Variants in MARCHF1 observed in about 807,000 individuals in gnomAD.
MARCHF1 encodes membrane associated ring-CH-type finger 1.
In MARCHF1, 40 loss-of-function variants were observed where a neutral mutation model predicts 54.2. The ratio of observed to expected loss-of-function variants is 0.74; its 90% confidence interval spans 0.57 to 0.96. The LOEUF (loss-of-function observed/expected upper bound fraction) is 0.96. Among genes scored for constraint, MARCHF1 ranks in the 40% least tolerant of loss-of-function variants. MARCHF1 has a pLI of 0.00. For synonymous variants in MARCHF1, 236 were observed against 236.3 expected, an observed-to-expected ratio of 1.00 and a Z score of 0.01; for missense variants, 586 against 656.5, an observed-to-expected ratio of 0.89 and a Z score of 1.17.
chr4:164,090,594 A>C lies in MARCHF1; in HGVS notation c.-248+20994T>G, dbSNP rs569314578. ...CAATAAAATATTATAAACATATTAA[A>C]AATGCAAAAATTCATAACAGAAAAA... On this transcript the variant is annotated intron_variant, in intron 2 of 9. Coordinates refer to ENST00000514618, the MANE Select transcript of MARCHF1 (RefSeq NM_001394959.1). Among the ~76,000 whole-genome samples the C allele has an allele frequency of 4.3e-4, 66 of 152,260 alleles. 1 individual carries two copies. The highest frequency in any genetic ancestry group is 1.5e-3 in the African/African-American group (61 of 41,572).
At chr4:164,072,034 CA>C (rs1033671514) in intron 2 of MARCHF1, among the ~76,000 whole-genome samples, 257 of 138,498 alleles carry the variant, frequency 1.9e-3, no homozygotes, top group Middle Eastern at 3.7e-3. Context: ...ACATAGAAAC[CA>C]AAAAAAAAAA....
chr4:164,258,019 T>C (rs1307145649), intron 1 of MARCHF1, among the ~76,000 whole-genome samples: 1 of 152,124 alleles, frequency 6.6e-6, no homozygotes, highest in Non-Finnish European at 1.5e-5. Context: ...CCATCAATGA[T>C]AGACTGGATA....
At chr4:164,344,489 T>TG (rs200211561) in intron 1 of MARCHF1, among the ~76,000 whole-genome samples, 3 of 151,784 alleles carry the variant, frequency 2.0e-5, no homozygotes, top group African/African-American at 4.9e-5. Context: ...TGTGTGTGTG[T>TG]TTTGGTCAGC....
At chr4:163,918,239 A>G (rs561222913) in intron 3 of MARCHF1, among the ~76,000 whole-genome samples, 1 of 152,156 alleles carries the variant, frequency 6.6e-6, no homozygotes, top group South Asian at 2.1e-4. Flanking sequence ...TGTATCATGG[A>G]CCATTTTTAA....
intron 7 of MARCHF1, among the ~76,000 whole-genome samples, chr4:163,608,870 T>C (rs1262530185): frequency 1.3e-5 from 2 of 152,040 alleles, no homozygotes; most frequent in Non-Finnish European, 2.9e-5. Flanking sequence ...GGGGTCATTG[T>C]TTTGCCTACA....
At chr4:164,324,385 A>G (rs2110774638) in intron 1 of MARCHF1, among the ~76,000 whole-genome samples, 1 of 151,962 alleles carries the variant, frequency 6.6e-6, no homozygotes, top group African/African-American at 2.4e-5. Context: ...GAAACACACT[A>G]TTATTGAACA....
chr4:164,188,758 C>G (rs1350348676), intron 1 of MARCHF1: 15 of 957,826 alleles, frequency 1.6e-5, no homozygotes, highest in Admixed American at 6.8e-5. Flanking sequence ...CTAAACCATA[C>G]GTTCAAGTTG....
intron 7 of MARCHF1, among the ~76,000 whole-genome samples, chr4:163,610,866 C>T (rs1344897569): frequency 6.6e-6 from 1 of 152,066 alleles, no homozygotes; most frequent in Non-Finnish European, 1.5e-5. Flanking sequence ...CAATGGCAAG[C>T]TTTACGTTCC....
chr4:164,011,325 A>G (rs1753415474), intron 2 of MARCHF1, among the ~76,000 whole-genome samples: 1 of 152,186 alleles, frequency 6.6e-6, no homozygotes, highest in South Asian at 2.1e-4. Flanking sequence ...AACAAACTGA[A>G]GAGACAACCC....
intron 1 of MARCHF1, among the ~76,000 whole-genome samples, chr4:164,352,825 TAA>T (rs1730396088): frequency 1.0e-5 from 1 of 98,772 alleles, no homozygotes; most frequent in African/African-American, 3.2e-5. Context: ...GCAAGTTGGA[TAA>T]AGAGTCAAGA....
intron 4 of MARCHF1, among the ~76,000 whole-genome samples, chr4:163,748,236 C>G (rs986340156): frequency 6.6e-6 from 1 of 152,152 alleles, no homozygotes. Flanking sequence ...AGATTTGCGT[C>G]CTTTCCCTAT....
intron 2 of MARCHF1, among the ~76,000 whole-genome samples, chr4:164,002,441 G>A (rs1753203929): frequency 6.6e-6 from 1 of 151,730 alleles, no homozygotes; most frequent in African/African-American, 2.4e-5. Context: ...AATTCACTAT[G>A]TAAATGTAAA....
intron 1 of MARCHF1, among the ~76,000 whole-genome samples, chr4:164,141,651 G>A (rs760349914): frequency 9.9e-5 from 15 of 152,218 alleles, no homozygotes; most frequent in Admixed American, 6.5e-4. Context: ...GGGGAAAATG[G>A]CAACTTGGTA....
At chr4:163,739,876 C>T (rs183086340) in intron 4 of MARCHF1, among the ~76,000 whole-genome samples, 157 of 152,238 alleles carry the variant, frequency 1.0e-3, no homozygotes, top group African/African-American at 3.2e-3. Context: ...TATTTGTTTC[C>T]TCATTACACA....
intron 9 of MARCHF1, among the ~76,000 whole-genome samples, chr4:163,535,031 A>T (rs1027774663): frequency 6.6e-6 from 1 of 152,094 alleles, no homozygotes; most frequent in African/African-American, 2.4e-5. Context: ...ACTTTAAAGT[A>T]GTAATAATAA....
intron 5 of MARCHF1, among the ~76,000 whole-genome samples, chr4:163,677,021 G>GA (rs1379497603): frequency 6.6e-6 from 1 of 151,802 alleles, no homozygotes; most frequent in African/African-American, 2.4e-5. Flanking sequence ...ACTGAAAAAA[G>GA]AAAAAATAGA....
At chr4:163,658,836 T>C (rs1743245279) in intron 5 of MARCHF1, among the ~76,000 whole-genome samples, 1 of 151,876 alleles carries the variant, frequency 6.6e-6, no homozygotes, top group Admixed American at 6.6e-5. Flanking sequence ...AAATAACTAA[T>C]GTGTGCTGGG....
intron 1 of MARCHF1, among the ~76,000 whole-genome samples, chr4:164,213,960 TGCTTGA>T (rs1274907635): frequency 6.6e-6 from 1 of 152,206 alleles, no homozygotes; most frequent in East Asian, 1.9e-4. Flanking sequence ...AAAAGATAAA[TGCTTGA>T]GGTGATAGTT....
intron 5 of MARCHF1, among the ~76,000 whole-genome samples, chr4:163,656,337 C>G (rs1447962474): frequency 6.6e-6 from 1 of 151,712 alleles, no homozygotes; most frequent in South Asian, 2.1e-4. Context: ...ACACATATAC[C>G]CTTCCAAGAC....
Sources: gnomAD v4.1 joint callset for allele counts (sites outside exome capture counted in the v4.1 genomes callset) on GRCh38, gnomAD v4.1.1 for gene constraint, MANE v1.5 for transcripts, NCBI Gene and HGNC (gene_info 2026-07-23, HGNC 2026-07-21) for gene names.